The following NRCAM variants were observed in gnomAD, a reference collection of about 807,000 sequenced individuals.
NRCAM encodes the protein NgCAM-related cell adhesion molecule.
In NRCAM, 83 loss-of-function variants were observed where a neutral mutation model predicts 156.5. That is an observed-to-expected ratio of 0.53 (90% CI 0.44 to 0.64). The LOEUF (loss-of-function observed/expected upper bound fraction) is 0.64. Ranked by LOEUF, NRCAM falls within the 30% of genes least tolerant of loss-of-function variation. The probability of loss-of-function intolerance (pLI) is 0.00; values close to 1 mark genes in which losing one functional copy is unlikely to be tolerated. For synonymous variants in NRCAM, 538 were observed against 563.9 expected, an observed-to-expected ratio of 0.95 and a Z score of 0.65; for missense variants, 1,417 against 1,597.3, an observed-to-expected ratio of 0.89 and a Z score of 1.92.
chr7:108,196,515 G>A (rs1399085759), intron 14 of NRCAM, among the ~76,000 whole-genome samples: 2 of 152,092 alleles, frequency 1.3e-5, no homozygotes, highest in Admixed American at 6.6e-5. Flanking sequence ...GTTAAAAATG[G>A]GCAAGGCATT....
rs2094451249 is a variant in NRCAM, at chr7:108,232,510, G to A, written c.243C>T (p.Thr81=). 2 of 1,609,420 alleles carry A rather than the reference G, an allele frequency of 1.2e-6. No individual in the cohort carries two copies. Among genetic ancestry groups the A allele is most frequent in the Non-Finnish European group, 1.7e-6 (2 of 1,178,242 alleles). The part of the protein sequence containing the change: ...KGKPPPSFSW[T]RNGTHFDIDK... The stretch of plus-strand genomic sequence containing the variant: ...CGATGTCAAAATGAGTCCCATTACG[G>A]GTCCAGGAAAAGCTGCCCAACACAC... The change falls in exon 7 of 33, where the codon ACC becomes ACT. Residue 81 remains threonine, a synonymous_variant. Coordinates refer to ENST00000379028, the MANE Select transcript of NRCAM (RefSeq NM_001037132.4).
chr7:108,167,221 A>G, intron 29 of NRCAM, 148 bp from the exon 30 acceptor site: 2 of 615,048 alleles, frequency 3.3e-6, no homozygotes, highest in Admixed American at 5.9e-5. Context: ...AAATGTAGTC[A>G]TGTCAAACAA....
intron 14 of NRCAM, among the ~76,000 whole-genome samples, chr7:108,196,643 A>G (rs2075285217): frequency 6.6e-6 from 1 of 152,240 alleles, no homozygotes; most frequent in African/African-American, 2.4e-5. Flanking sequence ...ATATTATATC[A>G]CACTTATTAG....
intron 2 of NRCAM, among the ~76,000 whole-genome samples, chr7:108,339,282 T>C (rs899474080): frequency 2.0e-5 from 3 of 152,196 alleles, no homozygotes; most frequent in African/African-American, 7.2e-5. Context: ...CAGTAATTGA[T>C]AGGGAGACTC....
chr7:108,220,129 G>C (rs930594401), intron 11 of NRCAM, among the ~76,000 whole-genome samples: 2 of 151,298 alleles, frequency 1.3e-5, no homozygotes, highest in Non-Finnish European at 2.9e-5. Context: ...AAAATCCTTA[G>C]GAATATACCT....
At chr7:108,283,746 A>G (rs543541905) in intron 3 of NRCAM, among the ~76,000 whole-genome samples, 5 of 152,264 alleles carry the variant, frequency 3.3e-5, no homozygotes, top group African/African-American at 1.2e-4. Context: ...TGGTTCCACA[A>G]TCTTCCTTCA....
At chr7:108,435,485 G>A (rs772154048) in intron 1 of NRCAM, among the ~76,000 whole-genome samples, 9 of 151,994 alleles carry the variant, frequency 5.9e-5, no homozygotes, top group Non-Finnish European at 8.8e-5. Flanking sequence ...AGAGTGGGTC[G>A]AAAAATACTT....
rs1586849320 is a variant in NRCAM, at chr7:108,182,890, C to G, written c.2335G>C (p.Gly779Arg). 6.2e-7 allele frequency: 1 copy of G among 1,614,230 alleles called. No homozygotes were observed. Among genetic ancestry groups the G allele is most frequent in the Non-Finnish European group, 8.5e-7 (1 of 1,180,032 alleles). ...PLNGFESNGP[G>R]LQYKVSWRQK... ...CGCCAGCTAACTTTGTACTGAAGGC[C>G]TGGCCCATTAGATTCGAAACCATTC... Residue 779 changes from glycine to arginine, a missense_variant, in exon 23 of 33, where the codon GGC becomes CGC. Gly to Arg is a moderately radical substitution (Grantham distance 125). Transcript: ENST00000379028.
intron 1 of NRCAM, among the ~76,000 whole-genome samples, chr7:108,450,064 G>T (rs1346805123): frequency 1.3e-5 from 2 of 151,938 alleles, no homozygotes; most frequent in African/African-American, 2.4e-5. Flanking sequence ...GATCATTTTT[G>T]CCTGACAGTA....
chr7:108,352,678 G>A (rs898045403), intron 2 of NRCAM, among the ~76,000 whole-genome samples: 5 of 152,014 alleles, frequency 3.3e-5, no homozygotes, highest in African/African-American at 1.2e-4. Flanking sequence ...CAGAATAATG[G>A]TGGTTAATTT....
At chr7:108,338,562 GAGAC>G (rs2099234170) in intron 2 of NRCAM, among the ~76,000 whole-genome samples, 1 of 146,184 alleles carries the variant, frequency 6.8e-6, no homozygotes, top group Non-Finnish European at 1.5e-5. Context: ...GAGAGAGAGA[GAGAC>G]AGAGTGAGAC....
chr7:108,324,053 GCAC>G (rs2099035842), intron 2 of NRCAM, among the ~76,000 whole-genome samples: 1 of 152,012 alleles, frequency 6.6e-6, no homozygotes, highest in African/African-American at 2.4e-5. Flanking sequence ...ATGGAAAGGG[GCAC>G]CACATGATCT....
intron 1 of NRCAM, among the ~76,000 whole-genome samples, chr7:108,453,815 T>A (rs1195454592): frequency 6.6e-6 from 1 of 152,208 alleles, no homozygotes. Flanking sequence ...CAAATTTTCC[T>A]TTTTTACTAG....
At chr7:108,317,622 G>A (rs2154195635) in intron 2 of NRCAM, among the ~76,000 whole-genome samples, 1 of 152,228 alleles carries the variant, frequency 6.6e-6, no homozygotes, top group East Asian at 1.9e-4. Flanking sequence ...AAATGGGGAA[G>A]ACTGAGGCTG....
chr7:108,221,214 A>G (rs2092141195), intron 11 of NRCAM, among the ~76,000 whole-genome samples: 1 of 152,180 alleles, frequency 6.6e-6, no homozygotes, highest in South Asian at 2.1e-4. Flanking sequence ...GTTGGCATGG[A>G]TGCGGTTATC....
intron 2 of NRCAM, among the ~76,000 whole-genome samples, chr7:108,357,518 A>T (rs1027596868): frequency 2.0e-5 from 3 of 151,994 alleles, no homozygotes; most frequent in African/African-American, 7.2e-5. Context: ...TTTAGTAGAG[A>T]CAAGGTTTCA....
rs17155094 is a variant in NRCAM at position 108,160,491 on chromosome 7, C to T, written c.3468G>A (p.Ala1156=). 53,026 of 1,612,542 alleles carry T rather than the reference C, an allele frequency of 0.033. 1,146 individuals are homozygous for T. Among genetic ancestry groups the T allele is most frequent in the Middle Eastern group, 0.099 (600 of 6,050 alleles). ...SSEDVFETGP[A]MASRQVDIAT... is the part of the protein sequence containing the mutation. ...CAATATCCACCTGCCGGCTTGCCAT[C>T]GCTGGAAAACAAATCAATGGTGTTG... Residue 1156 remains alanine (A), a splice_region_variant and synonymous_variant, in exon 31 of 33, where the codon GCG becomes GCA. Transcript: ENST00000379028.
At chr7:108,342,379 C>T (rs897598205) in intron 2 of NRCAM, among the ~76,000 whole-genome samples, 7 of 152,224 alleles carry the variant, frequency 4.6e-5, no homozygotes, top group African/African-American at 1.7e-4. Context: ...GGCTTATCCT[C>T]ATCCCAAAAC....
intron 1 of NRCAM, among the ~76,000 whole-genome samples, chr7:108,412,542 T>C (rs1796726948): frequency 1.3e-5 from 2 of 152,206 alleles, no homozygotes; most frequent in African/African-American, 2.4e-5. Context: ...CACATATTTA[T>C]CATTTTTATG....
Sources: gnomAD v4.1 joint callset for allele counts (sites outside exome capture counted in the v4.1 genomes callset) on GRCh38, gnomAD v4.1.1 for gene constraint, MANE v1.5 for transcripts, NCBI Gene and HGNC (gene_info 2026-07-23, HGNC 2026-07-21) for gene names.